Variants in TBC1D4 observed in about 807,000 individuals in gnomAD.
The protein encoded by TBC1D4 is TBC (Tre-2, BUB2, CDC16) domain-containing protein.
A neutral mutation model predicts 142.5 loss-of-function variants in TBC1D4; 121 were observed. The ratio of observed to expected loss-of-function variants is 0.85; its 90% confidence interval spans 0.73 to 0.99. TBC1D4 has a LOEUF of 0.99. TBC1D4 is among the 50% of genes least tolerant of loss of function. The pLI, the probability that TBC1D4 is intolerant of heterozygous loss-of-function variation, is 0.00. For missense variants in TBC1D4, 1,475 were observed against 1,606.6 expected, an observed-to-expected ratio of 0.92 and a Z score of 1.40; for synonymous variants, 630 against 628.2, an observed-to-expected ratio of 1.00 and a Z score of -0.04.
chr13:75,422,258 G>C (rs549334336), intron 1 of TBC1D4, among the ~76,000 whole-genome samples: 24 of 151,452 alleles, frequency 1.6e-4, no homozygotes, highest in Non-Finnish European at 2.2e-4. Flanking sequence ...ACAGTGTTAA[G>C]AAACTGGCTG....
intron 1 of TBC1D4, among the ~76,000 whole-genome samples, chr13:75,401,627 T>TC (rs1356110678): frequency 2.6e-5 from 4 of 152,230 alleles, no homozygotes; most frequent in African/African-American, 9.6e-5. Flanking sequence ...TAACAGAATA[T>TC]ACAGATTAAT....
At chr13:75,407,457 C>T (rs576834919) in intron 1 of TBC1D4, among the ~76,000 whole-genome samples, 1 of 152,292 alleles carries the variant, frequency 6.6e-6, no homozygotes, top group African/African-American at 2.4e-5. Flanking sequence ...AATCTCCACA[C>T]AAAAACAGAA....
intron 1 of TBC1D4, among the ~76,000 whole-genome samples, chr13:75,416,092 G>T (rs1021407695): frequency 1.3e-5 from 2 of 152,094 alleles, no homozygotes; most frequent in Non-Finnish European, 2.9e-5. Context: ...ACCTCAATCT[G>T]GAAATCAAAA....
At chr13:75,450,515 G>A (rs532320549) in intron 1 of TBC1D4, among the ~76,000 whole-genome samples, 2 of 152,292 alleles carry the variant, frequency 1.3e-5, no homozygotes, top group South Asian at 2.1e-4. Flanking sequence ...TAGAAAGGAC[G>A]AAATTGGTAA....
chr13:75,367,342 T>C (rs9573529), intron 1 of TBC1D4, among the ~76,000 whole-genome samples: 49,879 of 151,994 alleles, frequency 0.33, 10,394 homozygotes, highest in African/African-American at 0.6. Flanking sequence ...TGATAACAGA[T>C]GAACTTCAAT....
intron 1 of TBC1D4, among the ~76,000 whole-genome samples, chr13:75,441,383 C>G (rs1360501757): frequency 6.6e-6 from 1 of 152,066 alleles, no homozygotes; most frequent in Non-Finnish European, 1.5e-5. Flanking sequence ...AGGGACTCAT[C>G]TGGAAACCAT....
At chr13:75,361,673 C>T (rs1340482539) in intron 2 of TBC1D4, among the ~76,000 whole-genome samples, 1 of 152,188 alleles carries the variant, frequency 6.6e-6, no homozygotes, top group Non-Finnish European at 1.5e-5. Flanking sequence ...AGCCCCCGCG[C>T]CGGGCCTACA....
At position 75,410,935 on chromosome 13, in the gene TBC1D4, C is replaced by CAAAAAAAA. The variant is rs60172018; in HGVS notation, c.499-48336_499-48329dup. On this transcript the variant is annotated intron_variant, in intron 1 of 20. Coordinates refer to ENST00000377636, the MANE Select transcript of TBC1D4 (RefSeq NM_014832.5). ...TGGGCGACAGAGCGAGACTCCGTCT[C>CAAAAAAAA]AAAAAAAAAAAAAAAAAAAAAAAAA... is the stretch of plus-strand genomic sequence containing the variant. Among the ~76,000 whole-genome samples the CAAAAAAAA allele has an allele frequency of 2.5e-4, 16 of 63,234 alleles. 2 individuals are homozygous for CAAAAAAAA. The highest frequency in any genetic ancestry group is 5.0e-4 in the East Asian group (1 of 1,986). 41.5% of individuals were successfully genotyped at this position (63,234 alleles called of 152,430 possible).
intron 1 of TBC1D4, among the ~76,000 whole-genome samples, chr13:75,372,766 G>A (rs1161043216): frequency 5.3e-5 from 8 of 152,088 alleles, no homozygotes; most frequent in Non-Finnish European, 1.0e-4. Context: ...CCCATAAAAA[G>A]TAAATTAACT....
At chr13:75,349,765 T>C (rs2138117342) in intron 4 of TBC1D4, among the ~76,000 whole-genome samples, 1 of 152,326 alleles carries the variant, frequency 6.6e-6, no homozygotes, top group Non-Finnish European at 1.5e-5. Context: ...AAACAAAAAG[T>C]GTTAAGTAAA....
At position 75,294,969 on chromosome 13, in the gene TBC1D4, T is replaced by A. The variant is rs771314852; in HGVS notation, c.3201A>T (p.Arg1067Ser). The change falls in exon 18 of 21, where the codon AGA becomes AGT. Residue 1067 changes from arginine to serine, a missense_variant. Coordinates refer to ENST00000377636, the MANE Select transcript of TBC1D4 (RefSeq NM_014832.5). The stretch of plus-strand genomic sequence containing the variant: ...TTTCTTCAAGGTGATTGTAGAGATC[T>A]CTGTGATAGTCATGAAGGAGCCTGG... ...QLSRLLHDYH[R>S]DLYNHLEENE... The A allele has an allele frequency of 3.1e-6, 5 of 1,613,966 alleles. No individual in the cohort carries two copies. The South Asian group carries it at 5.5e-5, about 18-fold the overall frequency.
chr13:75,330,891 T>C (rs1440008010), intron 8 of TBC1D4, among the ~76,000 whole-genome samples: 3 of 152,130 alleles, frequency 2.0e-5, no homozygotes, highest in Non-Finnish European at 2.9e-5. Context: ...AAAGATGAGA[T>C]TGCTGTTATT....
intron 1 of TBC1D4, among the ~76,000 whole-genome samples, chr13:75,438,514 C>T (rs1417991141): frequency 6.6e-6 from 1 of 152,158 alleles, no homozygotes; most frequent in African/African-American, 2.4e-5. Flanking sequence ...ACTTGGAAGT[C>T]AGTTTTAGAA....
intron 8 of TBC1D4, among the ~76,000 whole-genome samples, chr13:75,329,979 ACAGT>A (rs1289455977): frequency 1.3e-5 from 2 of 152,348 alleles, no homozygotes; most frequent in Non-Finnish European, 1.5e-5. Context: ...TGACTTTTAC[ACAGT>A]CACTCTGTTG....
chr13:75,422,436 G>A (rs1886209346), intron 1 of TBC1D4, among the ~76,000 whole-genome samples: 1 of 152,030 alleles, frequency 6.6e-6, no homozygotes, highest in Non-Finnish European at 1.5e-5. Flanking sequence ...ACATTACTCT[G>A]GTATCAAGCA....
chr13:75,294,349 A>T (rs1265463748), intron 18 of TBC1D4, among the ~76,000 whole-genome samples: 1 of 152,218 alleles, frequency 6.6e-6, no homozygotes, highest in East Asian at 1.9e-4. Flanking sequence ...CTGCATTGGC[A>T]TGAAAGAAGA....
chr13:75,356,637 A>C (rs1417199303), intron 3 of TBC1D4, among the ~76,000 whole-genome samples: 2 of 152,226 alleles, frequency 1.3e-5, no homozygotes, highest in Non-Finnish European at 2.9e-5. Flanking sequence ...TCTGAGGCTA[A>C]GAATCTGAGA....
chr13:75,342,573 A>T (rs1880801855), intron 5 of TBC1D4, among the ~76,000 whole-genome samples: 1 of 152,154 alleles, frequency 6.6e-6, no homozygotes, highest in South Asian at 2.1e-4. Context: ...ATATTCACAA[A>T]CCTATCCCAT....
chr13:75,393,002 G>C (rs1226969105), intron 1 of TBC1D4, among the ~76,000 whole-genome samples: 3 of 151,622 alleles, frequency 2.0e-5, no homozygotes, highest in Non-Finnish European at 2.9e-5. Context: ...TCTCTATTTT[G>C]CTAGAATTCC....
Sources: allele counts gnomAD v4.1 joint callset (sites outside exome capture counted in the v4.1 genomes callset), GRCh38; gene constraint gnomAD v4.1.1; transcripts MANE v1.5; gene names NCBI Gene and HGNC (gene_info 2026-07-23, HGNC 2026-07-21).